The following PCDHGA9 variants were observed in gnomAD, a reference collection of about 807,000 sequenced individuals.
The protein encoded by PCDHGA9 is protocadherin gamma-A9.
PCDHGA9 carries 37 observed loss-of-function variants against 62.5 expected under a neutral mutation model. The observed-to-expected ratio is 0.59, with a 90% CI of 0.46 to 0.78. The LOEUF is 0.78. Among genes scored for constraint, PCDHGA9 ranks in the 30% least tolerant of loss-of-function variants. The pLI, the probability that PCDHGA9 is intolerant of heterozygous loss-of-function variation, is 0.00. For synonymous variants in PCDHGA9, 459 were observed against 484.6 expected (o/e 0.95, Z 0.69); for missense variants, 1,138 against 1,166.2 (o/e 0.98, Z 0.35).
At chr5:141,421,000 A>G (rs2096537102) in intron 1 of PCDHGA9, 1 of 507,878 alleles carries the variant, frequency 2.0e-6, no homozygotes, top group East Asian at 3.3e-5. Flanking sequence ...CTGCTCACCA[A>G]TCAGGGAATG....
rs2099401367 is a variant in PCDHGA9 at position 141,476,906 on chromosome 5, G to C, written c.2425-17901G>C. ...GGATGCACCCTCCGGCACGCGCGTG[G>C]TACAAGTCCTTGCAACGGATCTGGA... is the stretch of plus-strand genomic sequence containing the variant. On this transcript the variant is annotated intron_variant, in intron 1 of 3. Coordinates refer to ENST00000573521, the MANE Select transcript of PCDHGA9 (RefSeq NM_018921.3). The surrounding 1 kb of genome is among the most constrained non-coding windows in gnomAD (Gnocchi z 7.6). 2 of 1,614,050 alleles carry C rather than the reference G, an allele frequency of 1.2e-6. No homozygotes were observed. The highest frequency in any genetic ancestry group is 1.7e-6 in the Non-Finnish European group (2 of 1,180,044).
intron 2 of PCDHGA9, among the ~76,000 whole-genome samples, chr5:141,499,029 A>G (rs140948405): frequency 1.5e-3 from 205 of 140,068 alleles, no homozygotes; most frequent in African/African-American, 5.5e-3. Context: ...AGGAAGGAAG[A>G]AAAGAAAGAA....
In PCDHGA9 at chr5:141,432,068, C is replaced by G. The variant is rs1297096209; in HGVS notation, c.2424+26692C>G. ...AACCCCGCCCCTATCCACGGAAACT[C>G]ATATCTCGCTGAACGTGGCAGACAC... On this transcript the variant is annotated intron_variant, in intron 1 of 3. Transcript: ENST00000573521. The surrounding 1 kb of genome is among the most constrained non-coding windows in gnomAD (Gnocchi z 6.0). 6.2e-7 allele frequency: 1 copy of G among 1,614,210 alleles called. No individual in the cohort carries two copies. The highest frequency in any genetic ancestry group is 1.7e-5 in the Admixed American group (1 of 60,028).
intron 1 of PCDHGA9, among the ~76,000 whole-genome samples, chr5:141,482,530 CAA>C (rs3074545): frequency 2.5e-4 from 19 of 76,528 alleles, no homozygotes; most frequent in East Asian, 4.2e-4. Context: ...GACAGACATG[CAA>C]AAAAAAAAAA....
chr5:141,419,358 C>A (rs569760413), intron 1 of PCDHGA9: 1 of 1,613,810 alleles, frequency 6.2e-7, no homozygotes, highest in South Asian at 1.1e-5. Flanking sequence ...GAGTCACGAA[C>A]GCTGTCGTCC....
chr5:141,427,937 C>T, intron 1 of PCDHGA9: 1 of 1,584,566 alleles, frequency 6.3e-7, no homozygotes, highest in African/African-American at 1.3e-5. Flanking sequence ...TGTTGGTGGG[C>T]GACCTCAATG....
rs1194909537 is a variant in PCDHGA9 at position 141,511,022 on chromosome 5, T to C, written c.2648T>C (p.Phe883Ser). 1 of 1,614,176 alleles carries C rather than the reference T, an allele frequency of 6.2e-7. No individual in the cohort carries two copies. The highest frequency in any genetic ancestry group is 8.5e-7 in the Non-Finnish European group (1 of 1,180,020). ...MGLSARYGPQ[F>S]TLQHVPDYRQ... ...TTGAGCGCCCGCTACGGACCCCAGT[T>C]CACCCTGCAGCACGTGCCCGACTAC... The change falls in exon 4 of 4, where the codon TTC becomes TCC. Residue 883 changes from phenylalanine (F) to serine (S), a missense_variant. Transcript: ENST00000573521.
chr5:141,427,743 T>A, intron 1 of PCDHGA9: 5 of 1,249,166 alleles, frequency 4.0e-6, no homozygotes, highest in Non-Finnish European at 5.8e-6. Context: ...CCAAGTCTCC[T>A]ACTCCATCGT....
rs1328089059 is a variant in PCDHGA9, at chr5:141,478,532, G to A, written c.2425-16275G>A. 4.4e-6 allele frequency: 7 copies of A among 1,607,742 alleles called. No homozygotes were observed. The East Asian group carries it at 1.6e-4, about 36-fold the overall frequency. On this transcript the variant is annotated intron_variant, in intron 1 of 3. Coordinates refer to ENST00000573521, the MANE Select transcript of PCDHGA9 (RefSeq NM_018921.3). Reference sequence around the variant, plus strand: ...TAGGCAGGTGTTGGGTGCAGAGAGCGCCCCTCCCGGACAGGTAAGGTTTAG... The same window carrying A: ...TAGGCAGGTGTTGGGTGCAGAGAGCACCCCTCCCGGACAGGTAAGGTTTAG...
chr5:141,415,755 T>G (rs753465209), intron 1 of PCDHGA9: 41 of 1,387,576 alleles, frequency 3.0e-5, no homozygotes, highest in Middle Eastern at 2.6e-4. Flanking sequence ...TTTTTTTTTT[T>G]TTTTTTTTTT....
rs567115998 is a variant in PCDHGA9, at chr5:141,403,913, G to A, written c.961G>A (p.Ala321Thr). 5 of 1,613,844 alleles carry A rather than the reference G, an allele frequency of 3.1e-6. No individual in the cohort carries two copies. Among genetic ancestry groups the A allele is most frequent in the Non-Finnish European group, 8.5e-7 (1 of 1,179,894 alleles). ...ECSFYEMEIQ[A>T]EDGGGLKGWT... The stretch of plus-strand genomic sequence containing the variant: ...TTCATTTTATGAAATGGAAATACAA[G>A]CTGAAGATGGTGGGGGATTGAAAGG... The change falls in exon 1 of 4, where the codon GCT (alanine) becomes ACT (threonine). Residue 321 changes from alanine to threonine, a missense_variant. By Grantham distance (58) the Ala-to-Thr change is moderately conservative. Transcript: ENST00000573521.
intron 1 of PCDHGA9, among the ~76,000 whole-genome samples, chr5:141,492,641 G>A (rs2099742804): frequency 6.6e-6 from 1 of 152,226 alleles, no homozygotes; most frequent in African/African-American, 2.4e-5. Flanking sequence ...ACGATCCTTG[G>A]GCCAGAGGTC....
Position 141,432,072 on chromosome 5 carries a change from T to C in PCDHGA9, c.2424+26696T>C, listed in dbSNP as rs1236871982. The C allele has an allele frequency of 6.2e-7, 1 of 1,614,178 alleles. No homozygotes were observed. The highest frequency in any genetic ancestry group is 8.5e-7 in the Non-Finnish European group (1 of 1,180,032). On this transcript the variant is annotated intron_variant, in intron 1 of 3. Coordinates refer to ENST00000573521, the MANE Select transcript of PCDHGA9 (RefSeq NM_018921.3). This position sits in a 1 kb window ranked among gnomAD's most constrained non-coding sequence, Gnocchi z 6.0. ...CCGCCCCTATCCACGGAAACTCATA[T>C]CTCGCTGAACGTGGCAGACACCAAC...
At chr5:141,505,554 C>T in intron 3 of PCDHGA9, 73 bp downstream of exon 3, 1 of 1,606,130 alleles carries the variant, frequency 6.2e-7, no homozygotes, top group Non-Finnish European at 8.5e-7. Context: ...AGCCACCATG[C>T]CCACGGACTG....
At chr5:141,441,730 A>T in intron 1 of PCDHGA9, 1 of 362,750 alleles carries the variant, frequency 2.8e-6, no homozygotes, top group South Asian at 2.2e-5. Context: ...CGCGACCAGG[A>T]CTAGCTCGCG....
chr5:141,430,939 G>A, intron 1 of PCDHGA9: 1 of 1,607,854 alleles, frequency 6.2e-7, no homozygotes, highest in South Asian at 1.1e-5. Flanking sequence ...GGGAGCTCGC[G>A]GAGCGCGGAG....
In PCDHGA9 at chr5:141,432,296, G is replaced by T; in HGVS notation, c.2424+26920G>T. On this transcript the variant is annotated intron_variant, in intron 1 of 3. Coordinates refer to ENST00000573521, the MANE Select transcript of PCDHGA9 (RefSeq NM_018921.3). This position sits in a 1 kb window ranked among gnomAD's most constrained non-coding sequence, Gnocchi z 6.0. ...CGTGTCCATCAACTCCGACACTGGG[G>T]TACTGTATGCGCTGAGCTCCTTCGA... 1 of 1,614,224 alleles carries T rather than the reference G, an allele frequency of 6.2e-7. No individual in the cohort carries two copies. Among genetic ancestry groups the T allele is most frequent in the Non-Finnish European group, 8.5e-7 (1 of 1,180,044 alleles).
chr5:141,505,182 C>T (rs1302018549), intron 2 of PCDHGA9, among the ~76,000 whole-genome samples: 2 of 152,094 alleles, frequency 1.3e-5, no homozygotes, highest in East Asian at 3.9e-4. Context: ...AAAAAAGCAT[C>T]GGAGGCAGCA....
intron 1 of PCDHGA9, among the ~76,000 whole-genome samples, chr5:141,472,792 C>A (rs2099297177): frequency 6.6e-6 from 1 of 151,698 alleles, no homozygotes; most frequent in African/African-American, 2.4e-5. Context: ...TCAAGATCAG[C>A]CTGACCAACA....
Sources: gnomAD v4.1 joint callset for allele counts (sites outside exome capture counted in the v4.1 genomes callset) on GRCh38, gnomAD v4.1.1 for gene constraint, Gnocchi (gnomAD v3.1) non-coding constraint, MANE v1.5 for transcripts, NCBI Gene and HGNC (gene_info 2026-07-23, HGNC 2026-07-21) for gene names.